ROBO1: variants seen among roughly 807,000 people sequenced by gnomAD.
The protein encoded by ROBO1 is roundabout guidance receptor 1.
ROBO1 carries 149 observed loss-of-function variants against 195.9 expected under a neutral mutation model. The ratio of observed to expected loss-of-function variants is 0.76; its 90% CI spans 0.67 to 0.87. ROBO1 has a LOEUF of 0.87. Among genes scored for constraint, ROBO1 ranks in the 40% least tolerant of loss-of-function variants. ROBO1 has a pLI of 0.00. For missense variants in ROBO1, 1,933 were observed against 2,068.3 expected, an observed-to-expected ratio of 0.93 and a Z score of 1.27; for synonymous variants, 816 against 733.2, an observed-to-expected ratio of 1.11 and a Z score of -1.82.
intron 2 of ROBO1, among the ~76,000 whole-genome samples, chr3:79,329,072 C>A (rs2034331055): frequency 6.6e-6 from 1 of 152,276 alleles, no homozygotes; most frequent in Non-Finnish European, 1.5e-5. Context: ...GAGGCACTAC[C>A]TCTTTTATGG....
At chr3:79,408,032 G>A (rs1040973005) in intron 2 of ROBO1, among the ~76,000 whole-genome samples, 1 of 151,876 alleles carries the variant, frequency 6.6e-6, no homozygotes, top group East Asian at 1.9e-4. Context: ...TCGATTAAAT[G>A]TCTACCTTAA....
intron 3 of ROBO1, among the ~76,000 whole-genome samples, chr3:79,084,779 T>C (rs2079337593): frequency 6.6e-6 from 1 of 152,258 alleles, no homozygotes; most frequent in African/African-American, 2.4e-5. Context: ...AGAAAACATG[T>C]TCAGGTCCCA....
At chr3:79,001,490 C>G (rs989074962) in intron 3 of ROBO1, among the ~76,000 whole-genome samples, 2 of 151,872 alleles carry the variant, frequency 1.3e-5, no homozygotes, top group Non-Finnish European at 2.9e-5. Flanking sequence ...GTGTAGTGAC[C>G]ATAACTAATT....
intron 3 of ROBO1, among the ~76,000 whole-genome samples, chr3:78,941,599 A>G (rs938291164): frequency 4.6e-5 from 7 of 152,336 alleles, no homozygotes; most frequent in African/African-American, 1.7e-4. Context: ...AGATTGCCTG[A>G]GCAAGTCAGA....
intron 2 of ROBO1, among the ~76,000 whole-genome samples, chr3:79,570,328 G>A (rs575035869): frequency 1.2e-4 from 18 of 150,690 alleles, no homozygotes; most frequent in Non-Finnish European, 2.2e-4. Context: ...TTATTTTTAC[G>A]TCCCTGCTTA....
intron 1 of ROBO1, among the ~76,000 whole-genome samples, chr3:79,764,582 T>G (rs1704884574): frequency 6.6e-6 from 1 of 152,198 alleles, no homozygotes; most frequent in South Asian, 2.1e-4. Flanking sequence ...ATTCACATCT[T>G]TGTGGTGTCT....
chr3:78,901,578 A>C (rs2037590388), intron 4 of ROBO1, among the ~76,000 whole-genome samples: 1 of 152,166 alleles, frequency 6.6e-6, no homozygotes. Flanking sequence ...TTAAATTGTC[A>C]GAAAGCTTTT....
chr3:79,455,283 T>G (rs2039581518), intron 2 of ROBO1, among the ~76,000 whole-genome samples: 1 of 152,116 alleles, frequency 6.6e-6, no homozygotes, highest in African/African-American at 2.4e-5. Flanking sequence ...AATGCCACAT[T>G]TAACATCAAT....
chr3:78,865,083 C>T (rs563207064), intron 4 of ROBO1, among the ~76,000 whole-genome samples: 12 of 152,232 alleles, frequency 7.9e-5, no homozygotes, highest in Admixed American at 3.9e-4. Context: ...TGATACTACA[C>T]AACTATTTTG....
chr3:78,990,791 A>C (rs1018129201), intron 3 of ROBO1, among the ~76,000 whole-genome samples: 2 of 152,216 alleles, frequency 1.3e-5, no homozygotes, highest in Non-Finnish European at 1.5e-5. Context: ...CACTCATAGA[A>C]GTCCCATCAA....
intron 4 of ROBO1, among the ~76,000 whole-genome samples, chr3:78,882,687 A>G (rs2036254759): frequency 1.3e-5 from 2 of 152,102 alleles, no homozygotes; most frequent in South Asian, 2.1e-4. Flanking sequence ...CTTTGCCTCC[A>G]GGTATCCCTC....
At chr3:79,556,417 C>T (rs553274431) in intron 2 of ROBO1, among the ~76,000 whole-genome samples, 1 of 152,094 alleles carries the variant, frequency 6.6e-6, no homozygotes, top group Non-Finnish European at 1.5e-5. Flanking sequence ...GAAGTATGTA[C>T]TGGTTTGCTA....
intron 2 of ROBO1, among the ~76,000 whole-genome samples, chr3:79,537,504 G>T (rs1575988287): frequency 6.6e-6 from 1 of 152,050 alleles, no homozygotes; most frequent in African/African-American, 2.4e-5. Context: ...AGCTCTGTCG[G>T]GACTAATTCC....
At chr3:79,441,378 G>A (rs1265484390) in intron 2 of ROBO1, among the ~76,000 whole-genome samples, 3 of 152,104 alleles carry the variant, frequency 2.0e-5, no homozygotes, top group Admixed American at 6.6e-5. Context: ...ATGCTTGTCT[G>A]TGTCTGTGTG....
intron 1 of ROBO1, among the ~76,000 whole-genome samples, chr3:79,741,212 A>C (rs927417026): frequency 1.3e-5 from 2 of 152,204 alleles, no homozygotes; most frequent in African/African-American, 2.4e-5. Context: ...ATATCAGCCT[A>C]GTCAATTCCC....
chr3:78,972,955 G>T (rs2076801573), intron 3 of ROBO1, among the ~76,000 whole-genome samples: 1 of 152,112 alleles, frequency 6.6e-6, no homozygotes, highest in Admixed American at 6.5e-5. Flanking sequence ...ACAGAAAAAA[G>T]ATTTGTCTGT....
At chr3:79,128,794 T>TTAAG (rs1231146128) in intron 2 of ROBO1, among the ~76,000 whole-genome samples, 1 of 152,182 alleles carries the variant, frequency 6.6e-6, no homozygotes, top group Non-Finnish European at 1.5e-5. Flanking sequence ...AATTTTATAA[T>TTAAG]TAAGTCTTGT....
chr3:78,696,873 G>A (rs2081309376), intron 8 of ROBO1, among the ~76,000 whole-genome samples: 1 of 151,610 alleles, frequency 6.6e-6, no homozygotes, highest in East Asian at 1.9e-4. Context: ...AATGCTGGTT[G>A]AAAAATTTAT....
chr3:78,729,911 T>C (rs191239590), intron 5 of ROBO1, among the ~76,000 whole-genome samples: 3 of 152,356 alleles, frequency 2.0e-5, no homozygotes, highest in African/African-American at 7.2e-5. Context: ...AACAGTGTCC[T>C]GCTGTTTTAA....
Sources: gnomAD v4.1 joint callset for allele counts (sites outside exome capture counted in the v4.1 genomes callset) on GRCh38, gnomAD v4.1.1 for gene constraint, MANE v1.5 for transcripts, NCBI Gene and HGNC (gene_info 2026-07-23, HGNC 2026-07-21) for gene names.